The following NBAS variants were observed in gnomAD, a reference collection of about 807,000 sequenced individuals.
NBAS encodes NAG/BC035112 fusion.
NBAS carries 219 observed loss-of-function variants against 302.5 expected under a neutral mutation model. The ratio of observed to expected loss-of-function variants is 0.72; its 90% CI spans 0.65 to 0.81. The LOEUF is 0.81. Ranked by LOEUF, NBAS falls within the 30% of genes least tolerant of loss-of-function variation. The pLI, the probability that NBAS is intolerant of heterozygous loss-of-function variation, is 0.00. For missense variants in NBAS, 2,932 were observed against 2,841.6 expected, an observed-to-expected ratio of 1.03 and a Z score of -0.72; for synonymous variants, 1,118 against 1,021.6, an observed-to-expected ratio of 1.09 and a Z score of -1.80.
chr2:14,868,977 TC>T, the NBAS span, among the ~76,000 whole-genome samples: 62 of 152,298 alleles, frequency 4.1e-4, no homozygotes, highest in Admixed American at 2.2e-3. Context: ...TATGTTACTT[TC>T]AAGGTTCCAG....
At chr2:15,252,854 C>T (rs1211188138) in intron 44 of NBAS, among the ~76,000 whole-genome samples, 1 of 152,000 alleles carries the variant, frequency 6.6e-6, no homozygotes, top group African/African-American at 2.4e-5. Flanking sequence ...CCTGGAAGAA[C>T]ATACATCCTA....
At chr2:15,052,343 G>T in the NBAS span, among the ~76,000 whole-genome samples, 1 of 152,198 alleles carries the variant, frequency 6.6e-6, no homozygotes, top group Non-Finnish European at 1.5e-5. Context: ...AATACCAGAA[G>T]ACTTTTCCAG....
chr2:15,062,495 T>C, the NBAS span, among the ~76,000 whole-genome samples: 1 of 152,152 alleles, frequency 6.6e-6, no homozygotes, highest in African/African-American at 2.4e-5. Context: ...AAATAAATGT[T>C]TAGAAATGCT....
chr2:14,862,813 A>G, the NBAS span, among the ~76,000 whole-genome samples: 1 of 152,186 alleles, frequency 6.6e-6, no homozygotes, highest in African/African-American at 2.4e-5. Context: ...CACTCACAAC[A>G]CAACCCAATG....
At chr2:14,909,181 A>T in the NBAS span, among the ~76,000 whole-genome samples, 1 of 151,800 alleles carries the variant, frequency 6.6e-6, no homozygotes, top group South Asian at 2.1e-4. Flanking sequence ...TTAGCCGGGC[A>T]TGGTGGCGGG....
At chr2:15,561,155 A>G in intron 1 of NBAS, 33 bp downstream of exon 1, 1 of 1,601,928 alleles carries the variant, frequency 6.2e-7, no homozygotes, top group Non-Finnish European at 8.5e-7. Flanking sequence ...GCCCGCGCCA[A>G]GCTGGCTGCT....
chr2:14,832,148 C>T, the NBAS span, among the ~76,000 whole-genome samples: 7 of 152,162 alleles, frequency 4.6e-5, no homozygotes, highest in Non-Finnish European at 2.9e-5. Context: ...CCACCCTTCT[C>T]TAATTCCCAG....
At chr2:15,370,040 G>A (rs1674409284) in intron 31 of NBAS, among the ~76,000 whole-genome samples, 1 of 152,210 alleles carries the variant, frequency 6.6e-6, no homozygotes, top group African/African-American at 2.4e-5. Flanking sequence ...ACACGCAGGA[G>A]TCAAACACTT....
chr2:15,059,972 A>C, the NBAS span, among the ~76,000 whole-genome samples: 3 of 43,862 alleles, frequency 6.8e-5, no homozygotes, highest in East Asian at 5.5e-4. Flanking sequence ...AACAAAAAAA[A>C]AAACAAAAAA....
At chr2:14,846,899 GGAAAGA>G in the NBAS span, among the ~76,000 whole-genome samples, 1 of 151,576 alleles carries the variant, frequency 6.6e-6, no homozygotes, top group African/African-American at 2.4e-5. Flanking sequence ...CAAGAAGGAA[GGAAAGA>G]GAAAGAGAAA....
chr2:15,148,656 A>G, the NBAS span, among the ~76,000 whole-genome samples: 5 of 152,232 alleles, frequency 3.3e-5, no homozygotes, highest in African/African-American at 1.2e-4. Context: ...TGTGTAAACA[A>G]TCTGGCTAAG....
At chr2:15,204,775 C>T (rs1423700700) in intron 48 of NBAS, among the ~76,000 whole-genome samples, 5 of 152,110 alleles carry the variant, frequency 3.3e-5, no homozygotes, top group Admixed American at 1.3e-4. Flanking sequence ...AACCAAACAC[C>T]GCGTGTTCTC....
At chr2:14,957,839 C>T in the NBAS span, among the ~76,000 whole-genome samples, 10 of 152,288 alleles carry the variant, frequency 6.6e-5, no homozygotes, top group South Asian at 1.0e-3. Context: ...CAACTCAGTC[C>T]GAGAATACCT....
chr2:15,293,033 G>GAA lies in NBAS; in HGVS notation c.4798-269_4798-268dup, dbSNP rs141474352. ...GTTATTCTTCAACCTCAAAACCTCC[G>GAA]AACACTTAAAAAACAATATATTCTT... On this transcript the variant is annotated intron_variant, in intron 40 of 51. Coordinates refer to ENST00000281513, the MANE Select transcript of NBAS (RefSeq NM_015909.4). 7.3e-3 allele frequency among the ~76,000 whole-genome samples: 1,104 copies of GAA among 151,986 alleles called. 21 individuals carry two copies. The highest frequency in any genetic ancestry group is 0.026 in the African/African-American group (1,057 of 41,422).
Position 15,379,835 on chromosome 2 carries a change from G to C in NBAS, c.3361-4C>G. ...ACAGAAGGCTTTCTGTAAATATCTGGAAAAAAGGAGAAACTGGAATTAGTT... is the reference window on the plus strand; with the variant it reads ...ACAGAAGGCTTTCTGTAAATATCTGCAAAAAAGGAGAAACTGGAATTAGTT... On this transcript the variant is annotated splice_region_variant and splice_polypyrimidine_tract_variant and intron_variant, in intron 29 of 51. Transcript: ENST00000281513. The C allele has an allele frequency of 1.9e-6, 3 of 1,607,484 alleles. No homozygotes were observed. Among genetic ancestry groups the C allele is most frequent in the Non-Finnish European group, 1.7e-6 (2 of 1,175,294 alleles).
the NBAS span, among the ~76,000 whole-genome samples, chr2:14,934,991 T>C: frequency 5.0e-3 from 761 of 152,304 alleles, 8 homozygotes; most frequent in African/African-American, 0.017. Context: ...TTCTGAAATA[T>C]ATATTTTTCA....
the NBAS span, among the ~76,000 whole-genome samples, chr2:15,018,473 C>T: frequency 5.5e-3 from 842 of 151,928 alleles, 10 homozygotes; most frequent in African/African-American, 0.019. Context: ...ATGTTAATTG[C>T]TATTGAAGCA....
the NBAS span, among the ~76,000 whole-genome samples, chr2:15,155,084 C>G: frequency 4.0e-4 from 61 of 152,164 alleles, no homozygotes; most frequent in African/African-American, 1.4e-3. Context: ...TAGGTAGGAA[C>G]GTTAAGCTGA....
chr2:15,463,788 C>CAAAAAAAAAA (rs55808465), intron 19 of NBAS, among the ~76,000 whole-genome samples: 12 of 91,628 alleles, frequency 1.3e-4, no homozygotes, highest in African/African-American at 2.2e-4. Flanking sequence ...GAACCAAATG[C>CAAAAAAAAAA]AAAAAAAAAA....
Sources: gnomAD v4.1 joint callset for allele counts (sites outside exome capture counted in the v4.1 genomes callset) on GRCh38, gnomAD v4.1.1 for gene constraint, MANE v1.5 for transcripts, NCBI Gene and HGNC (gene_info 2026-07-23, HGNC 2026-07-21) for gene names.